Variants in USP28 observed in about 807,000 individuals in gnomAD.
The protein encoded by USP28 is ubiquitin specific peptidase 28.
In USP28, 113 loss-of-function variants were observed where a neutral mutation model predicts 145.0. That is an observed-to-expected ratio of 0.78 (90% CI 0.67 to 0.91). The LOEUF is 0.91. Ranked by LOEUF, USP28 falls within the 40% of genes least tolerant of loss-of-function variation. The probability of loss-of-function intolerance (pLI) is 0.00; values close to 1 mark genes in which losing one functional copy is unlikely to be tolerated. For missense variants in USP28, 1,201 were observed against 1,289.6 expected (o/e 0.93, Z 1.05); for synonymous variants, 447 against 450.9 (o/e 0.99, Z 0.11).
chr11:113,870,667 G>A (rs151246722), intron 1 of USP28, among the ~76,000 whole-genome samples: 1 of 152,164 alleles, frequency 6.6e-6, no homozygotes, highest in African/African-American at 2.4e-5. Context: ...TGGTCCACAC[G>A]GCCATCTCAT....
At chr11:113,808,547 A>G in intron 17 of USP28, 110 bp from the exon 18 acceptor site, 1 of 1,178,492 alleles carries the variant, frequency 8.5e-7, no homozygotes, top group Admixed American at 2.6e-5. Flanking sequence ...CTGTTAACAC[A>G]GCTTTTTACA....
At chr11:113,803,559 T>C (rs189482140) in intron 22 of USP28, among the ~76,000 whole-genome samples, 6 of 152,360 alleles carry the variant, frequency 3.9e-5, no homozygotes, top group Admixed American at 3.9e-4. Flanking sequence ...TTCATCTTCA[T>C]TGATCACAAA....
intron 18 of USP28, chr11:113,807,972 A>G: frequency 8.7e-7 from 1 of 1,152,532 alleles, no homozygotes; most frequent in Non-Finnish European, 1.1e-6. Context: ...ATCCATCTGC[A>G]TCAGATCTAA....
Position 113,829,301 on chromosome 11 carries a change from G to A in USP28, c.955C>T (p.Gln319Ter). ...TCTAAGTTGCGATAACCGTTTACCTGAAGAGGATACTGGCCGAAGGTCTCA... is the reference window on the plus strand; with the variant it reads ...TCTAAGTTGCGATAACCGTTTACCTAAAGAGGATACTGGCCGAAGGTCTCA... The change falls in exon 10 of 25, where the codon CAG (glutamine) becomes TAG (stop). Residue 319 changes from glutamine to a stop codon, truncating the protein, a stop_gained. Coordinates refer to ENST00000003302, the Ensembl canonical transcript of USP28. LOFTEE classifies it high-confidence loss of function. 1.2e-6 allele frequency: 2 copies of A among 1,614,172 alleles called. No homozygotes were observed. Among genetic ancestry groups the A allele is most frequent in the Non-Finnish European group, 1.7e-6 (2 of 1,180,026 alleles).
At chr11:113,818,021 T>C (rs1401419865) in intron 12 of USP28, 184 bp from the exon 13 acceptor site, 6 of 505,314 alleles carry the variant, frequency 1.2e-5, no homozygotes, top group African/African-American at 9.7e-5. Flanking sequence ...AAACTAAAAA[T>C]TGCCAACAAT....
In USP28 at chr11:113,833,469, G is replaced by A. The variant is rs761493301; in HGVS notation, c.710C>T (p.Ala237Val). 2 of 1,614,214 alleles carry A rather than the reference G, an allele frequency of 1.2e-6. 1 individual carries two copies. Among genetic ancestry groups the A allele is most frequent in the South Asian group, 2.2e-5 (2 of 91,080 alleles). Residue 237 changes from alanine (A) to valine (V), a missense_variant, in exon 7 of 25, where the codon GCA becomes GTA. Physicochemically the swap from Ala to Val is moderately conservative, Grantham distance 64. Coordinates refer to ENST00000003302, the Ensembl canonical transcript of USP28. ...TGCTCCCTTTAATAGATCCAGGGCT[G>A]CAGACGGGTCTACAAATTTTCTATT...
At chr11:113,875,177 G>C (rs561210690) in intron 1 of USP28, among the ~76,000 whole-genome samples, 3 of 152,244 alleles carry the variant, frequency 2.0e-5, no homozygotes, top group African/African-American at 7.2e-5. Flanking sequence ...AGAACCCCAC[G>C]TCCAGCCCTT....
chr11:113,808,398 G>A (rs1940391794), exon 18 of USP28: 2 of 1,614,078 alleles, frequency 1.2e-6, no homozygotes, highest in Non-Finnish European at 1.7e-6. Context: ...ATGCTCAGAC[G>A]ACAAGCAGCG....
At position 113,818,437 on chromosome 11, in the gene USP28, G is replaced by A. The variant is rs559924266; in HGVS notation, c.1284-600C>T. ...AAGTGCTGGGATTAAGGGCCACCGCGCCTGGCAATTTTTAAGTCATCATTT... is the reference window on the plus strand; with the variant it reads ...AAGTGCTGGGATTAAGGGCCACCGCACCTGGCAATTTTTAAGTCATCATTT... On this transcript the variant is annotated intron_variant, in intron 12 of 24. Coordinates refer to ENST00000003302, the Ensembl canonical transcript of USP28. Among the ~76,000 whole-genome samples the A allele has an allele frequency of 3.0e-3, 451 of 152,254 alleles. 2 individuals are homozygous for A. The highest frequency in any genetic ancestry group is 0.011 in the African/African-American group (437 of 41,548).
chr11:113,831,379 C>G (rs1421395450), intron 8 of USP28, among the ~76,000 whole-genome samples: 1 of 152,164 alleles, frequency 6.6e-6, no homozygotes, highest in Non-Finnish European at 1.5e-5. Flanking sequence ...CTTACAAGTC[C>G]TTCTTAAATT....
chr11:113,865,915 T>C (rs956553402), intron 1 of USP28, among the ~76,000 whole-genome samples: 2 of 152,230 alleles, frequency 1.3e-5, no homozygotes, highest in Non-Finnish European at 2.9e-5. Flanking sequence ...TGTACTTTTC[T>C]GCATCAAAGG....
At chr11:113,872,297 G>A (rs553613001) in intron 1 of USP28, among the ~76,000 whole-genome samples, 5 of 151,928 alleles carry the variant, frequency 3.3e-5, no homozygotes, top group Non-Finnish European at 7.4e-5. Context: ...CCATCCTGGC[G>A]AACACTGTGA....
At position 113,816,038 on chromosome 11, in the gene USP28, A is replaced by C. The variant is rs1022151273; in HGVS notation, c.1464-656T>G. Reference sequence around the variant, plus strand: ...ACAAAATATAAATCTTAAGTTCTTTACGTCTTTTCTGTAAACTAACAGAGA... The same window carrying C: ...ACAAAATATAAATCTTAAGTTCTTTCCGTCTTTTCTGTAAACTAACAGAGA... On this transcript the variant is annotated intron_variant, in intron 13 of 24. Transcript: ENST00000003302. 5.9e-5 allele frequency among the ~76,000 whole-genome samples: 9 copies of C among 152,354 alleles called. No homozygotes were observed. In the East Asian group the frequency reaches 1.7e-3, roughly 29 times the overall value.
chr11:113,845,533 C>T (rs148856620), intron 3 of USP28, among the ~76,000 whole-genome samples: 38 of 152,134 alleles, frequency 2.5e-4, no homozygotes, highest in African/African-American at 8.9e-4. Flanking sequence ...ATAGAACAAC[C>T]GTATGAACCA....
chr11:113,833,417 T>C lies in USP28; in HGVS notation c.759+3A>G, dbSNP rs201128479. ...AAACTCAAGAACAAGGCTTCTTTTG[T>C]ACCTGCTGTTCCTCAGATGATCGGA... On this transcript the variant is annotated splice_donor_region_variant and intron_variant, in intron 7 of 24. Transcript: ENST00000003302. 9.1e-5 allele frequency: 147 copies of C among 1,611,276 alleles called. No homozygotes were observed. Among genetic ancestry groups the C allele is most frequent in the Non-Finnish European group, 1.2e-4 (144 of 1,179,248 alleles).
chr11:113,843,998 G>GA (rs746117976), intron 3 of USP28, among the ~76,000 whole-genome samples: 1 of 152,216 alleles, frequency 6.6e-6, no homozygotes, highest in East Asian at 1.9e-4. Flanking sequence ...CTCAAGATGA[G>GA]AGCTAAAATA....
At chr11:113,809,488 T>C (rs1940606360) in intron 16 of USP28, among the ~76,000 whole-genome samples, 1 of 152,232 alleles carries the variant, frequency 6.6e-6, no homozygotes, top group Non-Finnish European at 1.5e-5. Flanking sequence ...TAGTTATAGT[T>C]GAGCATCCCA....
intron 1 of USP28, among the ~76,000 whole-genome samples, chr11:113,858,910 G>C (rs547270604): frequency 2.0e-5 from 3 of 152,256 alleles, no homozygotes; most frequent in African/African-American, 7.2e-5. Context: ...GGCCAGGCCT[G>C]TTCTCTAATT....
chr11:113,862,975 G>A (rs1159496424), intron 1 of USP28, among the ~76,000 whole-genome samples: 2 of 152,090 alleles, frequency 1.3e-5, no homozygotes, highest in Non-Finnish European at 2.9e-5. Flanking sequence ...CTAAAATCAG[G>A]AACAAGACAA....
Sources: allele counts gnomAD v4.1 joint callset (sites outside exome capture counted in the v4.1 genomes callset), GRCh38; gene constraint gnomAD v4.1.1; transcripts MANE v1.5; gene names NCBI Gene and HGNC (gene_info 2026-07-23, HGNC 2026-07-21).